The following KIAA0232 variants were observed in gnomAD, a reference collection of about 807,000 sequenced individuals.
The protein encoded by KIAA0232 is KIAA0232, also known as uncharacterized protein KIAA0232.
A neutral mutation model predicts 122.0 loss-of-function variants in KIAA0232; 27 were observed. The ratio of observed to expected loss-of-function variants is 0.22; its 90% CI spans 0.16 to 0.31. The LOEUF is 0.31. Ranked by LOEUF, KIAA0232 falls within the 10% of genes least tolerant of loss-of-function variation. The probability of loss-of-function intolerance (pLI) is 1.00; values close to 1 mark genes in which losing one functional copy is unlikely to be tolerated. For missense variants in KIAA0232, 1,551 were observed against 1,634.2 expected (o/e 0.95, Z 0.88); for synonymous variants, 613 against 587.6 (o/e 1.04, Z -0.63).
intron 1 of KIAA0232, among the ~76,000 whole-genome samples, chr4:6,790,392 CTT>C (rs10532360): frequency 8.5e-4 from 93 of 109,346 alleles, no homozygotes; most frequent in African/African-American, 2.6e-3. Flanking sequence ...TAAAAAAGGT[CTT>C]TTTTTTTTTT....
At chr4:6,838,727 CTTTTTTTTTTTTT>C in intron 3 of KIAA0232, among the ~76,000 whole-genome samples, 1 of 108,242 alleles carries the variant, frequency 9.2e-6, no homozygotes, top group Admixed American at 9.5e-5. Context: ...TTCAAAGCAG[CTTTTTTTTTTTTT>C]TTTTTTTTTG....
intron 6 of KIAA0232, 79 bp from the exon 7 acceptor site, chr4:6,860,822 C>T: frequency 1.7e-6 from 2 of 1,198,258 alleles, no homozygotes; most frequent in South Asian, 1.4e-5. Context: ...ATATTCCATT[C>T]TTCTGGTTGG....
intron 1 of KIAA0232, among the ~76,000 whole-genome samples, chr4:6,783,893 C>T (rs1361225561): frequency 6.6e-6 from 1 of 152,194 alleles, no homozygotes; most frequent in Non-Finnish European, 1.5e-5. Context: ...CTAGAGCTCT[C>T]TGCTTCTTCC....
At chr4:6,850,429 T>C (rs375987930) in intron 4 of KIAA0232, among the ~76,000 whole-genome samples, 1 of 152,224 alleles carries the variant, frequency 6.6e-6, no homozygotes, top group African/African-American at 2.4e-5. Flanking sequence ...AAATACAGCA[T>C]GATTTTGCAT....
intron 2 of KIAA0232, among the ~76,000 whole-genome samples, chr4:6,822,334 T>C (rs1009656385): frequency 1.3e-5 from 2 of 152,200 alleles, no homozygotes; most frequent in Non-Finnish European, 2.9e-5. Context: ...AACTTAGTCC[T>C]GCGGTGAACT....
At chr4:6,820,122 G>A (rs985228695) in intron 2 of KIAA0232, among the ~76,000 whole-genome samples, 1 of 152,230 alleles carries the variant, frequency 6.6e-6, no homozygotes, top group African/African-American at 2.4e-5. Context: ...GGAGGCAGTA[G>A]GTGTTGAAAA....
At position 6,862,673 on chromosome 4, in the gene KIAA0232, A is replaced by G. The variant is rs1410361397; in HGVS notation, c.2291A>G (p.Asp764Gly). ...GAAGAACTTCTAGATTTTTTGCAAG[A>G]TGAAACTTGCCAGCAAAACAGTAGA... is the stretch of plus-strand genomic sequence containing the variant. ...VDEELLDFLQ[D>G]ETCQQNSRTL... Residue 764 changes from aspartate to glycine, a missense_variant, in exon 7 of 10, where the codon GAT (aspartate) becomes GGT (glycine). Physicochemically the swap from Asp to Gly is moderately conservative, Grantham distance 94. This residue lies in a region of KIAA0232 where 1,108 missense variants were observed against 1,154.8 expected (regional missense o/e 0.96). Coordinates refer to ENST00000307659, the MANE Select transcript of KIAA0232 (RefSeq NM_014743.3). 1.9e-6 allele frequency: 3 copies of G among 1,610,620 alleles called. No homozygotes were observed. The highest frequency in any genetic ancestry group is 1.3e-5 in the African/African-American group (1 of 74,664).
chr4:6,835,046 T>C (rs1386099008), intron 3 of KIAA0232, among the ~76,000 whole-genome samples: 2 of 152,156 alleles, frequency 1.3e-5, no homozygotes, highest in Non-Finnish European at 2.9e-5. Flanking sequence ...CACTCATTGG[T>C]ACTCAGCTGA....
At chr4:6,872,681 G>T (rs1054494228) in intron 8 of KIAA0232, among the ~76,000 whole-genome samples, 4 of 152,204 alleles carry the variant, frequency 2.6e-5, no homozygotes, top group Non-Finnish European at 5.9e-5. Context: ...TCCCGAAGGG[G>T]TTATGCAAAT....
intron 2 of KIAA0232, among the ~76,000 whole-genome samples, chr4:6,815,224 A>T (rs1308663941): frequency 2.0e-5 from 3 of 152,184 alleles, no homozygotes; most frequent in Non-Finnish European, 4.4e-5. Flanking sequence ...CAGGTGAATA[A>T]ACATGGGTTT....
intron 3 of KIAA0232, among the ~76,000 whole-genome samples, chr4:6,837,096 G>GC (rs1465313992): frequency 6.6e-6 from 1 of 151,594 alleles, no homozygotes; most frequent in Non-Finnish European, 1.5e-5. Flanking sequence ...GGGCAGAGGG[G>GC]CCCCCACCTC....
At chr4:6,810,711 A>G (rs915476343) in intron 2 of KIAA0232, among the ~76,000 whole-genome samples, 13 of 152,246 alleles carry the variant, frequency 8.5e-5, no homozygotes, top group African/African-American at 2.7e-4. Context: ...AGAATATACA[A>G]GGAATTCAGA....
intron 4 of KIAA0232, among the ~76,000 whole-genome samples, chr4:6,851,395 A>G (rs2108767778): frequency 6.6e-6 from 1 of 152,272 alleles, no homozygotes; most frequent in East Asian, 1.9e-4. Context: ...AAGAAACAGG[A>G]CTTTTTTGCA....
At chr4:6,789,334 C>T (rs564477408) in intron 1 of KIAA0232, among the ~76,000 whole-genome samples, 12 of 146,498 alleles carry the variant, frequency 8.2e-5, no homozygotes, top group African/African-American at 2.5e-4. Context: ...AGTATAGTGG[C>T]GTGATCTTGG....
At chr4:6,818,176 G>T (rs993488919) in intron 2 of KIAA0232, among the ~76,000 whole-genome samples, 1 of 151,954 alleles carries the variant, frequency 6.6e-6, no homozygotes, top group African/African-American at 2.4e-5. Context: ...GCCGAGGCTG[G>T]TGGATCACGA....
chr4:6,808,738 T>G (rs1717749052), intron 2 of KIAA0232, among the ~76,000 whole-genome samples: 1 of 152,096 alleles, frequency 6.6e-6, no homozygotes, highest in African/African-American at 2.4e-5. Context: ...AGTTGGTTTT[T>G]TCTCCCACCT....
At chr4:6,817,588 G>A (rs770401006) in intron 2 of KIAA0232, among the ~76,000 whole-genome samples, 1 of 152,166 alleles carries the variant, frequency 6.6e-6, no homozygotes, top group Non-Finnish European at 1.5e-5. Context: ...GATGTTACCA[G>A]TTATAATTCC....
intron 2 of KIAA0232, among the ~76,000 whole-genome samples, chr4:6,817,941 A>G (rs1228576411): frequency 6.6e-6 from 1 of 151,994 alleles, no homozygotes; most frequent in African/African-American, 2.4e-5. Context: ...CTCTGTTAGT[A>G]TTTTTTGCGC....
At chr4:6,787,396 AAGTC>A (rs1307832243) in intron 1 of KIAA0232, among the ~76,000 whole-genome samples, 3 of 152,126 alleles carry the variant, frequency 2.0e-5, no homozygotes, top group Non-Finnish European at 4.4e-5. Context: ...ATCCCTTTGG[AAGTC>A]AGTCAGTCTT....
Sources: allele counts gnomAD v4.1 joint callset (sites outside exome capture counted in the v4.1 genomes callset), GRCh38; gene constraint gnomAD v4.1.1; regional missense constraint gnomAD v4.1.1; transcripts MANE v1.5; gene names NCBI Gene and HGNC (gene_info 2026-07-23, HGNC 2026-07-21).